Variants in SCMH1 observed in about 807,000 individuals in gnomAD.
SCMH1 encodes Scm polycomb group protein homolog 1.
Under a neutral mutation model 70.8 loss-of-function variants are expected in SCMH1, and 37 were observed. The ratio of observed to expected loss-of-function variants is 0.52; its 90% CI spans 0.40 to 0.69. The LOEUF is 0.69. Among genes scored for constraint, SCMH1 ranks in the 30% least tolerant of loss-of-function variants. SCMH1 has a pLI of 0.00. For missense variants in SCMH1, 607 were observed against 827.3 expected, an observed-to-expected ratio of 0.73 and a Z score of 3.27; for synonymous variants, 292 against 307.4, an observed-to-expected ratio of 0.95 and a Z score of 0.52.
chr1:41,230,228 T>C (rs985271933), intron 1 of SCMH1, among the ~76,000 whole-genome samples: 2 of 152,014 alleles, frequency 1.3e-5, no homozygotes, highest in African/African-American at 4.8e-5. Context: ...TATAGGGGGT[T>C]GATATAATGG....
intron 2 of SCMH1, among the ~76,000 whole-genome samples, chr1:41,172,867 G>T (rs1572823668): frequency 6.6e-6 from 1 of 151,998 alleles, no homozygotes; most frequent in East Asian, 1.9e-4. Context: ...AATAGTGCTG[G>T]GAAAACTGGA....
intron 4 of SCMH1, among the ~76,000 whole-genome samples, chr1:41,155,304 T>C (rs1205250022): frequency 6.6e-6 from 1 of 152,192 alleles, no homozygotes; most frequent in African/African-American, 2.4e-5. Flanking sequence ...CCTTCTCTAA[T>C]ATTCATTCAT....
chr1:41,117,803 C>G (rs1421450274), intron 6 of SCMH1, among the ~76,000 whole-genome samples: 1 of 152,214 alleles, frequency 6.6e-6, no homozygotes, highest in African/African-American at 2.4e-5. Context: ...CAGGGAAGGG[C>G]CCCCTGTCCA....
At chr1:41,092,529 T>A (rs1663887031) in intron 8 of SCMH1, among the ~76,000 whole-genome samples, 1 of 152,198 alleles carries the variant, frequency 6.6e-6, no homozygotes, top group Admixed American at 6.5e-5. Flanking sequence ...AAATGGGATC[T>A]AATTAAACGA....
At chr1:41,184,656 A>G (rs1368324221) in intron 2 of SCMH1, among the ~76,000 whole-genome samples, 1 of 152,140 alleles carries the variant, frequency 6.6e-6, no homozygotes, top group Non-Finnish European at 1.5e-5. Context: ...AGCAGATGTC[A>G]GAGAGAGACT....
intron 8 of SCMH1, among the ~76,000 whole-genome samples, chr1:41,103,766 A>T (rs1413636225): frequency 1.3e-5 from 2 of 152,304 alleles, no homozygotes; most frequent in South Asian, 4.1e-4. Context: ...GGCAAGAGAG[A>T]GAGCGAATGG....
At chr1:41,160,392 C>A (rs1036188707) in intron 4 of SCMH1, among the ~76,000 whole-genome samples, 2 of 152,112 alleles carry the variant, frequency 1.3e-5, no homozygotes, top group Non-Finnish European at 2.9e-5. Context: ...AAACCAAATG[C>A]AATTATTGGT....
At chr1:41,083,665 C>G (rs1254713821) in intron 8 of SCMH1, among the ~76,000 whole-genome samples, 1 of 152,138 alleles carries the variant, frequency 6.6e-6, no homozygotes, top group Non-Finnish European at 1.5e-5. Flanking sequence ...CCCGCATCGC[C>G]AAGTCAATCC....
chr1:41,090,641 T>G, intron 8 of SCMH1, among the ~76,000 whole-genome samples: 1 of 152,146 alleles, frequency 6.6e-6, no homozygotes, highest in Non-Finnish European at 1.5e-5. Context: ...CCCATAAATA[T>G]GTATAACAAT....
At chr1:41,100,442 C>A (rs551835428) in intron 8 of SCMH1, among the ~76,000 whole-genome samples, 1 of 152,212 alleles carries the variant, frequency 6.6e-6, no homozygotes, top group Admixed American at 6.5e-5. Context: ...GTTCAACTTG[C>A]GCTGAGACTA....
intron 8 of SCMH1, among the ~76,000 whole-genome samples, chr1:41,093,834 C>T (rs1664338250): frequency 6.6e-6 from 1 of 152,170 alleles, no homozygotes; most frequent in African/African-American, 2.4e-5. Flanking sequence ...ACAAGGTTTC[C>T]AAAATTCTAA....
chr1:41,084,090 C>T (rs1321928724), intron 8 of SCMH1, among the ~76,000 whole-genome samples: 2 of 152,100 alleles, frequency 1.3e-5, no homozygotes, highest in African/African-American at 4.8e-5. Context: ...TCTAAAACAC[C>T]AAAAGCAATG....
intron 2 of SCMH1, among the ~76,000 whole-genome samples, chr1:41,163,903 T>C (rs1646238325): frequency 6.6e-6 from 1 of 152,230 alleles, no homozygotes; most frequent in Non-Finnish European, 1.5e-5. Flanking sequence ...TCCCTGACAC[T>C]GCACCCACTT....
At position 41,046,433 on chromosome 1, in the gene SCMH1, C is replaced by T. The variant is rs753021344; in HGVS notation, c.1472G>A (p.Ser491Asn). 1.9e-6 allele frequency: 3 copies of T among 1,614,184 alleles called. No individual in the cohort carries two copies. The South Asian group carries it at 3.3e-5, about 18-fold the overall frequency. The stretch of plus-strand genomic sequence containing the variant: ...TGGTAGGTACCTGTCGTGGCTGTGG[C>T]TGTACTCTATGGCAGTGAGTGACAA... Residue 491 changes from serine (S) to asparagine (N), a missense_variant, in exon 12 of 15, where the codon AGC (serine) becomes AAC (asparagine). This residue lies in a region of SCMH1 where 430 missense variants were observed against 528.2 expected (regional missense o/e 0.81). Transcript: ENST00000337495.
upstream of SCMH1, chr1:41,242,274 A>T (rs1573369117): frequency 1.0e-5 from 1 of 98,196 alleles, no homozygotes. This position sits in a 1 kb window ranked among gnomAD's most constrained non-coding sequence, Gnocchi z 5.2. Context: ...TCCCGCTGCG[A>T]GGTGGCGCGC....
At chr1:41,155,164 C>T (rs1272445207) in intron 4 of SCMH1, among the ~76,000 whole-genome samples, 3 of 151,990 alleles carry the variant, frequency 2.0e-5, no homozygotes, top group African/African-American at 4.8e-5. Flanking sequence ...ATGCATACCA[C>T]GTGATAGTTA....
intron 2 of SCMH1, among the ~76,000 whole-genome samples, chr1:41,177,244 C>T (rs1334960101): frequency 6.6e-6 from 1 of 152,144 alleles, no homozygotes; most frequent in Non-Finnish European, 1.5e-5. Context: ...ATCTGTACGT[C>T]ACCATCATCA....
At chr1:41,231,160 C>G (rs1025808204) in intron 1 of SCMH1, among the ~76,000 whole-genome samples, 2 of 152,142 alleles carry the variant, frequency 1.3e-5, no homozygotes, top group African/African-American at 4.8e-5. Context: ...TTCACTATTA[C>G]TAGGACTTGG....
At chr1:41,220,056 A>C (rs1400202666) in intron 1 of SCMH1, among the ~76,000 whole-genome samples, 2 of 152,350 alleles carry the variant, frequency 1.3e-5, no homozygotes, top group Admixed American at 1.3e-4. Flanking sequence ...CATCTGTAGA[A>C]TTGGGCTTTT....
Sources: allele counts gnomAD v4.1 joint callset (sites outside exome capture counted in the v4.1 genomes callset), GRCh38; gene constraint gnomAD v4.1.1; regional missense constraint gnomAD v4.1.1; non-coding constraint Gnocchi (gnomAD v3.1); transcripts MANE v1.5; gene names NCBI Gene and HGNC (gene_info 2026-07-23, HGNC 2026-07-21).